HMBOX1: variants seen among roughly 807,000 people sequenced by gnomAD.
HMBOX1 encodes the protein homeobox containing 1, also known as homeobox-containing protein 1.
HMBOX1 carries 14 observed loss-of-function variants against 54.5 expected under a neutral mutation model. The ratio of observed to expected loss-of-function variants is 0.26; its 90% confidence interval spans 0.17 to 0.40. The LOEUF (loss-of-function observed/expected upper bound fraction) is 0.40, where lower values mean the gene tolerates loss of function less well. Among genes scored for constraint, HMBOX1 ranks in the 10% least tolerant of loss-of-function variants. The pLI, the probability that HMBOX1 is intolerant of heterozygous loss-of-function variation, is 1.00. For missense variants in HMBOX1, 332 were observed against 514.4 expected, an observed-to-expected ratio of 0.65 and a Z score of 3.43; for synonymous variants, 160 against 181.0, an observed-to-expected ratio of 0.88 and a Z score of 0.93.
chr8:28,927,468 C>G (rs945850314), intron 1 of HMBOX1, among the ~76,000 whole-genome samples: 2 of 152,002 alleles, frequency 1.3e-5, no homozygotes, highest in Admixed American at 6.6e-5. Context: ...AGGCTACTTC[C>G]ACTCATGGTG....
chr8:28,941,106 C>T (rs902860429), intron 1 of HMBOX1, among the ~76,000 whole-genome samples: 2 of 152,036 alleles, frequency 1.3e-5, no homozygotes, highest in Non-Finnish European at 2.9e-5. Flanking sequence ...TTACCTAAGC[C>T]TAGTCCTCAT....
intron 6 of HMBOX1, among the ~76,000 whole-genome samples, chr8:29,036,652 A>T (rs758535892): frequency 1.3e-5 from 2 of 152,182 alleles, no homozygotes; most frequent in Non-Finnish European, 2.9e-5. Flanking sequence ...CTCTTGTGAA[A>T]TTAACAGGAA....
In HMBOX1 at chr8:28,992,735, T is replaced by C. The variant is rs574703870; in HGVS notation, c.586+12579T>C. ...AATACAAAAAACTAGCCGGGTGTAG[T>C]GGTATGTGCCTGTAATCCCAGCTAC... On this transcript the variant is annotated intron_variant, in intron 4 of 9. Transcript: ENST00000287701. 2.6e-5 allele frequency among the ~76,000 whole-genome samples: 4 copies of C among 151,094 alleles called. No homozygotes were observed. The South Asian group carries it at 8.4e-4, about 32-fold the overall frequency.
chr8:28,903,908 A>G (rs991728550), intron 1 of HMBOX1, among the ~76,000 whole-genome samples: 6 of 152,192 alleles, frequency 3.9e-5, no homozygotes, highest in African/African-American at 9.7e-5. Context: ...TTTGATTGCC[A>G]CTACTGCAAT....
At chr8:28,914,676 C>T (rs1816177363) in intron 1 of HMBOX1, among the ~76,000 whole-genome samples, 1 of 152,182 alleles carries the variant, frequency 6.6e-6, no homozygotes, top group African/African-American at 2.4e-5. Context: ...GTTAGAGGGT[C>T]AGTAACATTT....
At chr8:28,971,055 T>TA (rs1385123219) in intron 3 of HMBOX1, among the ~76,000 whole-genome samples, 8 of 149,028 alleles carry the variant, frequency 5.4e-5, no homozygotes, top group African/African-American at 2.0e-4. Flanking sequence ...TGTAAGAACT[T>TA]AGAGTTTTAA....
chr8:29,046,211 G>GTAGA (rs1402421607), intron 7 of HMBOX1: 4 of 152,230 alleles, frequency 2.6e-5, no homozygotes, highest in Non-Finnish European at 5.9e-5. Context: ...TTCTAGCAAT[G>GTAGA]TAGACCCTAC....
chr8:29,045,346 C>T lies in HMBOX1; in HGVS notation c.852-15C>T. ...AAAAATAAAAACTTTGTGTCTGTAT[C>T]GGTTGCCTCTGCAGTTACTTCAATG... On this transcript the variant is annotated splice_polypyrimidine_tract_variant and intron_variant, in intron 6 of 9. Coordinates refer to ENST00000287701, the MANE Select transcript of HMBOX1 (RefSeq NM_001135726.3). The T allele has an allele frequency of 6.2e-7, 1 of 1,604,658 alleles. No individual in the cohort carries two copies. Among genetic ancestry groups the T allele is most frequent in the Non-Finnish European group, 8.5e-7 (1 of 1,171,490 alleles).
intron 1 of HMBOX1, among the ~76,000 whole-genome samples, chr8:28,933,337 T>G (rs1292795426): frequency 2.0e-5 from 3 of 152,204 alleles, no homozygotes; most frequent in Non-Finnish European, 4.4e-5. Flanking sequence ...ATGGCAACTC[T>G]TGATTCAGAG....
intron 1 of HMBOX1, among the ~76,000 whole-genome samples, chr8:28,924,450 A>ATTT (rs201997388): frequency 7.8e-6 from 1 of 127,858 alleles, no homozygotes; most frequent in African/African-American, 2.9e-5. Flanking sequence ...AATTTATCTA[A>ATTT]TTTTTTTTTT....
At chr8:28,954,204 CTA>C (rs1824001211) in intron 1 of HMBOX1, among the ~76,000 whole-genome samples, 1 of 151,988 alleles carries the variant, frequency 6.6e-6, no homozygotes, top group Non-Finnish European at 1.5e-5. Flanking sequence ...GCATACTTCT[CTA>C]TTTTAAACTT....
At chr8:28,961,189 AT>A (rs1435016015) in intron 1 of HMBOX1, among the ~76,000 whole-genome samples, 1 of 152,120 alleles carries the variant, frequency 6.6e-6, no homozygotes, top group African/African-American at 2.4e-5. Flanking sequence ...TAAAGTTTTT[AT>A]TATAATGTTC....
intron 6 of HMBOX1, among the ~76,000 whole-genome samples, chr8:29,028,774 T>A (rs10112353): frequency 0.034 from 5,184 of 152,266 alleles, 282 homozygotes; most frequent in African/African-American, 0.12. Flanking sequence ...GTGTAAATAA[T>A]GACAAAAGAG....
chr8:28,904,936 A>G (rs965499715), intron 1 of HMBOX1, among the ~76,000 whole-genome samples: 5 of 151,626 alleles, frequency 3.3e-5, no homozygotes, highest in African/African-American at 1.2e-4. Flanking sequence ...TGGCCTACCA[A>G]AGTGCTGGGA....
At chr8:28,899,536 A>G (rs982230488) in intron 1 of HMBOX1, among the ~76,000 whole-genome samples, 3 of 152,244 alleles carry the variant, frequency 2.0e-5, no homozygotes, top group African/African-American at 7.2e-5. Flanking sequence ...GAATTCAAAT[A>G]GTTGAGTCTG....
chr8:28,934,696 C>T (rs1254454067), intron 1 of HMBOX1, among the ~76,000 whole-genome samples: 4 of 152,158 alleles, frequency 2.6e-5, no homozygotes, highest in African/African-American at 9.6e-5. Flanking sequence ...GAGGCTGAGG[C>T]GGGCGGATCA....
intron 1 of HMBOX1, among the ~76,000 whole-genome samples, chr8:28,961,452 TATA>T: frequency 6.6e-6 from 1 of 152,346 alleles, no homozygotes; most frequent in Non-Finnish European, 1.5e-5. Context: ...AATGGAATCA[TATA>T]ATATTTGACC....
rs562722483 is a variant in HMBOX1, at chr8:28,970,280, A to C, written c.261A>C (p.Thr87=). Residue 87 remains threonine, a synonymous_variant, in exon 3 of 10, where the codon ACA becomes ACC. Coordinates refer to ENST00000287701, the MANE Select transcript of HMBOX1 (RefSeq NM_001135726.3). This position sits in a 1 kb window ranked among gnomAD's most constrained non-coding sequence, Gnocchi z 4.3. ...TCCCAGCATCTTCCTCTACAGCTAC[A>C]GCTTCCACACAGACGCAGCATTCGG... ...NNVPASSSTA[T]ASTQTQHSGM... 6.2e-7 allele frequency: 1 copy of C among 1,614,218 alleles called. No homozygotes were observed. Among genetic ancestry groups the C allele is most frequent in the South Asian group, 1.1e-5 (1 of 91,084 alleles).
At chr8:29,045,982 A>G (rs1020436837) in intron 7 of HMBOX1, among the ~76,000 whole-genome samples, 1 of 152,188 alleles carries the variant, frequency 6.6e-6, no homozygotes. Context: ...TCCAAAGTCA[A>G]CAAACCCACT....
Sources: gnomAD v4.1 joint callset for allele counts (sites outside exome capture counted in the v4.1 genomes callset) on GRCh38, gnomAD v4.1.1 for gene constraint, Gnocchi (gnomAD v3.1) non-coding constraint, MANE v1.5 for transcripts, NCBI Gene and HGNC (gene_info 2026-07-23, HGNC 2026-07-21) for gene names.